Variants in CHAC1 observed in about 807,000 individuals in gnomAD.
CHAC1 encodes glutathione-specific gamma-glutamylcyclotransferase 1.
In CHAC1, 22 loss-of-function variants were observed where a neutral mutation model predicts 22.1. The ratio of observed to expected loss-of-function variants is 1.00; its 90% CI spans 0.71 to 1.42. The LOEUF is 1.42. Among genes scored for constraint, CHAC1 ranks in the 40% most tolerant of loss-of-function variants. The probability of loss-of-function intolerance (pLI) is 0.00; values close to 1 mark genes in which losing one functional copy is unlikely to be tolerated. For missense variants in CHAC1, 272 were observed against 299.2 expected, an observed-to-expected ratio of 0.91 and a Z score of 0.67; for synonymous variants, 145 against 128.7, an observed-to-expected ratio of 1.13 and a Z score of -0.86.
rs1374575023 is a variant in CHAC1, at chr15:40,953,800, G to A, written c.217G>A (p.Gly73Ser). Residue 73 changes from glycine (G) to serine (S), a missense_variant, in exon 1 of 3, where the codon GGC (glycine) becomes AGC (serine). Transcript: ENST00000617768. ...CTGGCAGGGAGACACCTTCCATCGGGGCAGCGACAAGATGGTGAGCATCCA... is the reference window on the plus strand; with the variant it reads ...CTGGCAGGGAGACACCTTCCATCGGAGCAGCGACAAGATGGTGAGCATCCA... ...RFWQGDTFHR[G>S]SDKMPGRVVT... is the part of the protein sequence containing the mutation. 3 of 1,592,398 alleles carry A rather than the reference G, an allele frequency of 1.9e-6. No individual in the cohort carries two copies. The highest frequency in any genetic ancestry group is 2.6e-6 in the Non-Finnish European group (3 of 1,175,296).
In CHAC1 at chr15:40,955,469, G is replaced by A. The variant is rs373245737; in HGVS notation, c.364G>A (p.Asp122Asn). ...GCGAGAGGCAGTGCTTGGTGGCTAC[G>A]ATACCAAGGAGGTCACCTTCTATCC... ...NVREAVLGGY[D>N]TKEVTFYPQD... Residue 122 changes from aspartate to asparagine, a missense_variant, in exon 3 of 3, where the codon GAT becomes AAT. Coordinates refer to ENST00000617768, the MANE Select transcript of CHAC1 (RefSeq NM_024111.6). 2.0e-5 allele frequency: 33 copies of A among 1,614,004 alleles called. No individual in the cohort carries two copies. Among genetic ancestry groups the A allele is most frequent in the African/African-American group, 8.0e-5 (6 of 74,922 alleles).
Position 40,953,696 on chromosome 15 carries a change from A to G in CHAC1, c.113A>G (p.Tyr38Cys), listed in dbSNP as rs1285017362. 1 of 1,607,270 alleles carries G rather than the reference A, an allele frequency of 6.2e-7. No individual in the cohort carries two copies. Among genetic ancestry groups the G allele is most frequent in the Admixed American group, 1.7e-5 (1 of 60,024 alleles). The stretch of plus-strand genomic sequence containing the variant: ...CCTCAAGCGCTGTGGATTTTCGGGT[A>G]CGGCTCCCTGGTGTGGAGGCCCGAC... Reference protein sequence around the residue: ...GDPQALWIFGYGSLVWRPDFA... With the variant: ...GDPQALWIFGCGSLVWRPDFA... The change falls in exon 1 of 3, where the codon TAC (tyrosine) becomes TGC (cysteine). Residue 38 changes from tyrosine (Y) to cysteine (C), a missense_variant. Physicochemically the swap from Tyr to Cys is radical, Grantham distance 194 (BLOSUM62 -2). Coordinates refer to ENST00000617768, the MANE Select transcript of CHAC1 (RefSeq NM_024111.6).
rs1596209951 is a variant in CHAC1, at chr15:40,955,898, C to G, written c.*124C>G. The G allele has an allele frequency of 2.9e-6, 3 of 1,029,766 alleles. No individual in the cohort carries two copies. In the African/African-American group the frequency reaches 4.8e-5, roughly 17 times the overall value. 63.8% of individuals were successfully genotyped at this position (1,029,766 alleles called of 1,614,324 possible). A position where few individuals can be genotyped will look rare whatever the true frequency, so the allele number is the denominator to read the frequency against. On this transcript the variant is annotated 3_prime_UTR_variant, in exon 3 of 3. Transcript: ENST00000617768. ...AGATATGGTGGGTGGCTGGAGGCTT[C>G]TCTTTCTCAGTCCCTGCCTGTCTGC...
In CHAC1 at chr15:40,953,606, C is replaced by T; in HGVS notation, c.23C>T (p.Pro8Leu). MKQESAA[P>L]NTPPTSQSPT... ...ACCATGAAGCAGGAGTCTGCAGCCC[C>T]GAACACCCCGCCCACCTCGCAGTCC... The change falls in exon 1 of 3, where the codon CCG becomes CTG. Residue 8 changes from proline to leucine, a missense_variant. Pro to Leu is a moderately conservative substitution (Grantham distance 98). Coordinates refer to ENST00000617768, the MANE Select transcript of CHAC1 (RefSeq NM_024111.6). 1.2e-6 allele frequency: 2 copies of T among 1,610,130 alleles called. No homozygotes were observed. The highest frequency in any genetic ancestry group is 8.5e-7 in the Non-Finnish European group (1 of 1,179,880).
At chr15:40,954,441 T>A (rs920883112) in intron 2 of CHAC1, among the ~76,000 whole-genome samples, 178 bp downstream of exon 2, 1 of 152,214 alleles carries the variant, frequency 6.6e-6, no homozygotes, top group African/African-American at 2.4e-5. Context: ...AGAATGCAGA[T>A]TTTAGTTCAG....
At chr15:40,954,591 G>A (rs1006869692) in intron 2 of CHAC1, among the ~76,000 whole-genome samples, 1 of 150,426 alleles carries the variant, frequency 6.6e-6, no homozygotes, top group East Asian at 1.9e-4. Context: ...TTTTTTTGTT[G>A]TTGTTGTTGT....
At chr15:40,954,297 C>G (rs1198952138) in intron 2 of CHAC1, 34 bp downstream of exon 2, 1 of 1,612,198 alleles carries the variant, frequency 6.2e-7, no homozygotes, top group East Asian at 2.2e-5. Flanking sequence ...GAACCCTGGC[C>G]CAGTGTGAAG....
At chr15:40,954,770 AT>A (rs1189433654) in intron 2 of CHAC1, among the ~76,000 whole-genome samples, 1 of 151,008 alleles carries the variant, frequency 6.6e-6, no homozygotes, top group Non-Finnish European at 1.5e-5. Context: ...CACTCAGCTA[AT>A]TTTTGTATTT....
At chr15:40,954,404 CT>C (rs1893182231) in intron 2 of CHAC1, 141 bp downstream of exon 2, 1 of 833,268 alleles carries the variant, frequency 1.2e-6, no homozygotes, top group Admixed American at 2.2e-5. Flanking sequence ...CTCAGTGCTT[CT>C]CACCAAATCA....
chr15:40,953,925 C>T (rs1197924089), intron 1 of CHAC1, 111 bp downstream of exon 1: 1 of 844,394 alleles, frequency 1.2e-6, no homozygotes, highest in Non-Finnish European at 1.8e-6. Flanking sequence ...AATGTGTAAA[C>T]CTGTGTCTGG....
Position 40,955,696 on chromosome 15 carries a change from C to T in CHAC1, c.591C>T (p.His197=). ...GTGGGCCTCAGGCGCAGGACGAGCA[C>T]CTGGCAGCCATCGTGGACGCTGTGG... is the stretch of plus-strand genomic sequence containing the variant. ...QLCGPQAQDE[H]LAAIVDAVGT... Residue 197 remains histidine, a synonymous_variant, in exon 3 of 3, where the codon CAC becomes CAT. Coordinates refer to ENST00000617768, the MANE Select transcript of CHAC1 (RefSeq NM_024111.6). 1 of 1,609,100 alleles carries T rather than the reference C, an allele frequency of 6.2e-7. No homozygotes were observed. Among genetic ancestry groups the T allele is most frequent in the Non-Finnish European group, 8.5e-7 (1 of 1,179,980 alleles).
At chr15:40,955,018 C>T (rs1280981697) in intron 2 of CHAC1, among the ~76,000 whole-genome samples, 4 of 152,002 alleles carry the variant, frequency 2.6e-5, no homozygotes, top group Admixed American at 6.6e-5. Context: ...CTCACCCTCC[C>T]GAGTAGCTGG....
At chr15:40,953,933 T>G in intron 1 of CHAC1, 119 bp downstream of exon 1, 1 of 800,478 alleles carries the variant, frequency 1.2e-6, no homozygotes. Flanking sequence ...AACCTGTGTC[T>G]GGGGTTTGTG....
Position 40,956,267 on chromosome 15 carries a change from A to C in CHAC1, c.*493A>C, listed in dbSNP as rs1893245544. ...CCCTGTAAGGACTGAGGCCCCGGCC[A>C]GCCCTTCTCCTCCACCAGTTCCCCA... On this transcript the variant is annotated 3_prime_UTR_variant, in exon 3 of 3. Coordinates refer to ENST00000617768, the MANE Select transcript of CHAC1 (RefSeq NM_024111.6). 1 of 156,762 alleles carries C rather than the reference A, an allele frequency of 6.4e-6. No individual in the cohort carries two copies. The highest frequency in any genetic ancestry group is 1.4e-5 in the Non-Finnish European group (1 of 70,750). 9.7% of individuals were successfully genotyped at this position (156,762 alleles called of 1,614,324 possible). A position where few individuals can be genotyped will look rare whatever the true frequency, so the allele number is the denominator to read the frequency against.
rs1043510403 is a variant in CHAC1, at chr15:40,955,851, C to T, written c.*77C>T. Reference sequence around the variant, plus strand: ...CACTCCAGTGCACAAGACAGACTTGCGACCGCTTGAGCCCACTGAGCAGAT... The same window carrying T: ...CACTCCAGTGCACAAGACAGACTTGTGACCGCTTGAGCCCACTGAGCAGAT... On this transcript the variant is annotated 3_prime_UTR_variant, in exon 3 of 3. Transcript: ENST00000617768. 6.0e-5 allele frequency: 86 copies of T among 1,426,786 alleles called. No homozygotes were observed. The African/African-American group carries it at 1.0e-3, about 17-fold the overall frequency. The allele number at this position is 1,426,786 out of a possible 1,614,324, so 88.4% of individuals were successfully genotyped here.
intron 2 of CHAC1, 73 bp downstream of exon 2, chr15:40,954,336 C>G: frequency 6.7e-7 from 1 of 1,497,984 alleles, no homozygotes. Flanking sequence ...CTCATAGGCT[C>G]TTGGCTGCAG....
In CHAC1 at chr15:40,953,817, G is replaced by A; in HGVS notation, c.231+3G>A. On this transcript the variant is annotated splice_donor_region_variant and intron_variant, in intron 1 of 2. Transcript: ENST00000617768. Reference sequence around the variant, plus strand: ...TCCATCGGGGCAGCGACAAGATGGTGAGCATCCAACCGTGCCCAGGGGAGT... The same window carrying A: ...TCCATCGGGGCAGCGACAAGATGGTAAGCATCCAACCGTGCCCAGGGGAGT... 1.9e-6 allele frequency: 3 copies of A among 1,586,148 alleles called. No individual in the cohort carries two copies. The highest frequency in any genetic ancestry group is 2.6e-6 in the Non-Finnish European group (3 of 1,171,758).
At position 40,955,350 on chromosome 15, in the gene CHAC1, C is replaced by T. The variant is rs762465225; in HGVS notation, c.268-23C>T. ...AGCAAGGAGCTGTCATGACTGACCC[C>T]GGGTGTCCCTATTTCTTCCCAGGGC... On this transcript the variant is annotated intron_variant, in intron 2 of 2. Coordinates refer to ENST00000617768, the MANE Select transcript of CHAC1 (RefSeq NM_024111.6). 6.2e-6 allele frequency: 10 copies of T among 1,611,520 alleles called. No homozygotes were observed. In the East Asian group the frequency reaches 6.7e-5, roughly 11 times the overall value.
Position 40,955,408 on chromosome 15 carries a change from G to T in CHAC1, c.303G>T (p.Gly101=), listed in dbSNP as rs747379062. The change falls in exon 3 of 3, where the codon GGG becomes GGT. Residue 101 remains glycine, a synonymous_variant. Coordinates refer to ENST00000617768, the MANE Select transcript of CHAC1 (RefSeq NM_024111.6). The part of the protein sequence containing the change: ...CTWGVAYQVQ[G]EQVSKALKYL... ...GGGGCGTGGCATACCAAGTGCAAGG[G>T]GAGCAGGTAAGCAAGGCCCTGAAGT... The T allele has an allele frequency of 6.2e-7, 1 of 1,614,050 alleles. No homozygotes were observed. Among genetic ancestry groups the T allele is most frequent in the Non-Finnish European group, 8.5e-7 (1 of 1,179,978 alleles).
Sources: allele counts gnomAD v4.1 joint callset (sites outside exome capture counted in the v4.1 genomes callset), GRCh38; gene constraint gnomAD v4.1.1; transcripts MANE v1.5; gene names NCBI Gene and HGNC (gene_info 2026-07-23, HGNC 2026-07-21).